GTF2F2: variants seen among roughly 807,000 people sequenced by gnomAD.
GTF2F2 encodes the protein general transcription factor IIF subunit 2.
GTF2F2 carries 23 observed loss-of-function variants against 42.2 expected under a neutral mutation model. That is an observed-to-expected ratio of 0.55 (90% CI 0.39 to 0.77). GTF2F2 has a LOEUF of 0.77. Among genes scored for constraint, GTF2F2 ranks in the 30% least tolerant of loss-of-function variants. The probability of loss-of-function intolerance (pLI) is 0.00; values close to 1 mark genes in which losing one functional copy is unlikely to be tolerated. For synonymous variants in GTF2F2, 105 were observed against 100.8 expected (o/e 1.04, Z -0.25); for missense variants, 261 against 287.2 (o/e 0.91, Z 0.66).
chr13:45,243,452 A>G (rs1875423864), intron 5 of GTF2F2, among the ~76,000 whole-genome samples: 1 of 152,124 alleles, frequency 6.6e-6, no homozygotes, highest in Admixed American at 6.5e-5. Context: ...ATGATCTGGG[A>G]TGGAACAGTT....
intron 4 of GTF2F2, chr13:45,194,453 C>T (rs1593483608): frequency 5.6e-6 from 9 of 1,614,136 alleles, no homozygotes; most frequent in South Asian, 3.3e-5. Context: ...TATCCACCAA[C>T]GTTGAGGGTC....
chr13:45,228,049 T>C (rs1874452725), intron 5 of GTF2F2, among the ~76,000 whole-genome samples: 2 of 151,898 alleles, frequency 1.3e-5, no homozygotes, highest in Admixed American at 1.3e-4. Flanking sequence ...CTGTAGGTTG[T>C]AGCTTTTTCC....
chr13:45,227,826 G>T (rs753302999), intron 5 of GTF2F2, among the ~76,000 whole-genome samples: 9 of 152,150 alleles, frequency 5.9e-5, no homozygotes, highest in Non-Finnish European at 1.0e-4. Flanking sequence ...GTAGAGAGAT[G>T]AGTAAAGTGC....
chr13:45,272,816 G>A (rs1876855364), intron 7 of GTF2F2, among the ~76,000 whole-genome samples: 2 of 150,464 alleles, frequency 1.3e-5, no homozygotes. Flanking sequence ...ATAGCTCATA[G>A]CATGATCATA....
At chr13:45,132,940 C>T (rs768624313) in intron 1 of GTF2F2, among the ~76,000 whole-genome samples, 30 of 151,994 alleles carry the variant, frequency 2.0e-4, no homozygotes, top group Non-Finnish European at 4.0e-4. Flanking sequence ...TAAGGGCTCA[C>T]TTGATGTTTG....
intron 4 of GTF2F2, chr13:45,193,685 A>T: frequency 9.7e-7 from 1 of 1,028,250 alleles, no homozygotes; most frequent in Non-Finnish European, 1.4e-6. Context: ...AGGGCTCTGT[A>T]GTACAGAGCT....
At chr13:45,165,310 A>AAT (rs1157066625) in intron 4 of GTF2F2, among the ~76,000 whole-genome samples, 4,058 of 141,598 alleles carry the variant, frequency 0.029, 86 homozygotes, top group Non-Finnish European at 0.042. Context: ...TTATATCTAA[A>AAT]ATATATATAT....
At chr13:45,205,904 A>G (rs1216862908) in intron 4 of GTF2F2, among the ~76,000 whole-genome samples, 1 of 152,172 alleles carries the variant, frequency 6.6e-6, no homozygotes, top group Admixed American at 6.5e-5. Context: ...AGATTTTCCC[A>G]AATCTTGCTA....
chr13:45,267,517 T>C (rs1209858292), intron 7 of GTF2F2, 141 bp downstream of exon 7: 1 of 553,760 alleles, frequency 1.8e-6, no homozygotes, highest in Non-Finnish European at 3.1e-6. Context: ...AAAGATGTCT[T>C]AATGCAGCCA....
At chr13:45,214,485 A>G (rs1054004229) in intron 5 of GTF2F2, among the ~76,000 whole-genome samples, 1 of 152,198 alleles carries the variant, frequency 6.6e-6, no homozygotes, top group Non-Finnish European at 1.5e-5. Flanking sequence ...AAAACTAACT[A>G]AATAAAAACC....
chr13:45,280,709 A>G (rs77206646), intron 7 of GTF2F2, among the ~76,000 whole-genome samples: 1,664 of 152,312 alleles, frequency 0.011, 37 homozygotes, highest in African/African-American at 0.038. Flanking sequence ...AAAACAACTG[A>G]ATTTGTACAC....
At chr13:45,149,890 G>A (rs1224521797) in intron 3 of GTF2F2, 102 bp downstream of exon 3, 13 of 1,112,538 alleles carry the variant, frequency 1.2e-5, no homozygotes, top group Admixed American at 3.2e-5. Context: ...TCCACATCAA[G>A]TGCATGGCTG....
intron 5 of GTF2F2, among the ~76,000 whole-genome samples, chr13:45,243,105 G>A (rs1875401315): frequency 6.6e-6 from 1 of 151,970 alleles, no homozygotes; most frequent in Non-Finnish European, 1.5e-5. Flanking sequence ...TATCCCCAGG[G>A]GATTGATTCC....
intron 4 of GTF2F2, among the ~76,000 whole-genome samples, chr13:45,190,940 T>TAA (rs34236995): frequency 2.6e-4 from 35 of 135,266 alleles, no homozygotes; most frequent in South Asian, 4.7e-4. Flanking sequence ...TAATTTTCTT[T>TAA]AAAAAAAAAA....
chr13:45,149,677 G>A lies in GTF2F2; in HGVS notation c.141-93G>A, dbSNP rs959106568. The A allele has an allele frequency of 4.0e-5, 49 of 1,210,894 alleles. No homozygotes were observed. In the African/African-American group the frequency reaches 8.1e-4, roughly 20 times the overall value. 75.0% of individuals were successfully genotyped at this position (1,210,894 alleles called of 1,614,324 possible). A position where few individuals can be genotyped will look rare whatever the true frequency, so the allele number is the denominator to read the frequency against. ...AATCTCTGTAAATGTAATATTTTAT[G>A]TAAATATGAAGTTTTTTTTTAAGCT... is the stretch of plus-strand genomic sequence containing the variant. On this transcript the variant is annotated intron_variant, in intron 2 of 7. Transcript: ENST00000340473.
chr13:45,270,896 G>C (rs140958495), intron 7 of GTF2F2, among the ~76,000 whole-genome samples: 3 of 152,126 alleles, frequency 2.0e-5, no homozygotes, highest in Non-Finnish European at 4.4e-5. Flanking sequence ...ACACCAAACT[G>C]CCAATACCAC....
intron 4 of GTF2F2, 175 bp from the exon 5 acceptor site, chr13:45,207,249 C>A: frequency 1.9e-6 from 1 of 513,392 alleles, no homozygotes; most frequent in South Asian, 3.0e-5. Context: ...TGTTACTAAG[C>A]CAAGAATAAG....
chr13:45,201,716 G>C (rs1303472097), intron 4 of GTF2F2, among the ~76,000 whole-genome samples: 1 of 152,144 alleles, frequency 6.6e-6, no homozygotes, highest in African/African-American at 2.4e-5. Context: ...TCTTTTGGTT[G>C]CAAGTAGCAG....
intron 6 of GTF2F2, among the ~76,000 whole-genome samples, chr13:45,256,939 G>A (rs1218317526): frequency 1.3e-5 from 2 of 151,968 alleles, no homozygotes; most frequent in Non-Finnish European, 1.5e-5. Context: ...AAAAAAATTT[G>A]TACAAAAAAG....
Sources: allele counts gnomAD v4.1 joint callset (sites outside exome capture counted in the v4.1 genomes callset), GRCh38; gene constraint gnomAD v4.1.1; transcripts MANE v1.5; gene names NCBI Gene and HGNC (gene_info 2026-07-23, HGNC 2026-07-21).